Variants in ZPLD1 observed in about 807,000 individuals in gnomAD.
ZPLD1 encodes zona pellucida like domain containing 1.
ZPLD1 carries 34 observed loss-of-function variants against 47.2 expected under a neutral mutation model. That is an observed-to-expected ratio of 0.72 (90% CI 0.55 to 0.96). The LOEUF is 0.96. Ranked by LOEUF, ZPLD1 falls within the 40% of genes least tolerant of loss-of-function variation. ZPLD1 has a pLI of 0.00. For synonymous variants in ZPLD1, 176 were observed against 186.2 expected (o/e 0.95, Z 0.45); for missense variants, 512 against 505.8 (o/e 1.01, Z -0.12).
At chr3:102,424,235 AAT>A (rs1034902617) in intron 8 of ZPLD1, among the ~76,000 whole-genome samples, 1 of 152,116 alleles carries the variant, frequency 6.6e-6, no homozygotes, top group Non-Finnish European at 1.5e-5. Flanking sequence ...CAGTCTCTTG[AAT>A]ATACATATTT....
intron 8 of ZPLD1, among the ~76,000 whole-genome samples, chr3:102,429,858 C>G (rs1424650779): frequency 1.3e-5 from 2 of 152,180 alleles, no homozygotes; most frequent in Non-Finnish European, 2.9e-5. Flanking sequence ...ATCTCCACAT[C>G]TCAAGGCTGT....
upstream of ZPLD1, among the ~76,000 whole-genome samples, chr3:102,433,228 T>G (rs1707038276): frequency 6.6e-6 from 1 of 152,186 alleles, no homozygotes; most frequent in Admixed American, 6.5e-5. Context: ...AAATTTCCAT[T>G]TGATTTAGCA....
upstream of ZPLD1, among the ~76,000 whole-genome samples, chr3:102,433,294 G>C (rs9859640): frequency 0.49 from 74,691 of 152,066 alleles, 21,305 homozygotes; most frequent in African/African-American, 0.78. Flanking sequence ...GGTTGTTTCT[G>C]TAGTCATTGC....
intron 8 of ZPLD1, among the ~76,000 whole-genome samples, chr3:102,418,669 G>A (rs933755092): frequency 1.3e-5 from 2 of 151,948 alleles, no homozygotes; most frequent in East Asian, 3.9e-4. Context: ...AGCAAACAGT[G>A]TATATTTTAG....
intron 7 of ZPLD1, among the ~76,000 whole-genome samples, chr3:102,402,390 C>T (rs895172708): frequency 1.3e-5 from 2 of 151,934 alleles, no homozygotes; most frequent in Admixed American, 6.6e-5. Flanking sequence ...TTAATTGTAC[C>T]AAAGCTTGAA....
intron 7 of ZPLD1, among the ~76,000 whole-genome samples, chr3:102,416,738 A>G (rs1411347457): frequency 2.0e-5 from 3 of 151,958 alleles, no homozygotes; most frequent in Admixed American, 2.0e-4. Context: ...AATACAAGAC[A>G]GATTATATTA....
At chr3:102,456,085 TG>T in intron 4 of ZPLD1, 107 bp from the exon 5 acceptor site, 1 of 823,702 alleles carries the variant, frequency 1.2e-6, no homozygotes. Context: ...ATTTTATAGT[TG>T]AACTAGACTC....
At chr3:102,449,567 T>C (rs1201249808) in intron 3 of ZPLD1, among the ~76,000 whole-genome samples, 1 of 152,214 alleles carries the variant, frequency 6.6e-6, no homozygotes, top group Non-Finnish European at 1.5e-5. Context: ...CATCCCTTTG[T>C]CCAGCTTATC....
intron 7 of ZPLD1, among the ~76,000 whole-genome samples, chr3:102,413,894 A>G (rs1417518744): frequency 6.6e-6 from 1 of 151,862 alleles, no homozygotes; most frequent in African/African-American, 2.4e-5. Context: ...GATTTCAAAT[A>G]AAAACCTTGA....
chr3:102,478,787 A>G lies in ZPLD1; in HGVS notation c.*1169A>G, dbSNP rs1242555167. 1 of 152,196 alleles carries G rather than the reference A, an allele frequency of 6.6e-6. No individual in the cohort carries two copies. Among genetic ancestry groups the G allele is most frequent in the Non-Finnish European group, 1.5e-5 (1 of 68,034 alleles). The allele number at this position is 152,196 out of a possible 1,614,324, so 9.4% of individuals were successfully genotyped here. A position where few individuals can be genotyped will look rare whatever the true frequency, so the allele number is the denominator to read the frequency against. ...AGCCCATGTTCTTACAAAAAAAATC[A>G]ACATTCTCTTTGTTTAAGCTACCTA... On this transcript the variant is annotated 3_prime_UTR_variant, in exon 12 of 12. Coordinates refer to ENST00000466937, the MANE Select transcript of ZPLD1 (RefSeq NM_001329788.2).
chr3:102,399,070 A>G (rs2107290207), intron 7 of ZPLD1, among the ~76,000 whole-genome samples: 1 of 152,272 alleles, frequency 6.6e-6, no homozygotes, highest in East Asian at 1.9e-4. Context: ...TTTTATCTCC[A>G]GAATCTTTCC....
upstream of ZPLD1, chr3:102,435,000 T>C (rs1707064916): frequency 4.3e-6 from 5 of 1,173,922 alleles, no homozygotes; most frequent in African/African-American, 1.5e-5. Flanking sequence ...CAGGATGATA[T>C]GTTTTTGAGG....
At chr3:102,440,231 T>C (rs1429382811) in intron 3 of ZPLD1, among the ~76,000 whole-genome samples, 2 of 152,200 alleles carry the variant, frequency 1.3e-5, no homozygotes, top group African/African-American at 4.8e-5. Context: ...CATTTTGTTT[T>C]AGGAAGAGAC....
chr3:102,465,730 A>G (rs956509485), intron 8 of ZPLD1, among the ~76,000 whole-genome samples: 21 of 152,200 alleles, frequency 1.4e-4, no homozygotes, highest in Admixed American at 9.8e-4. Context: ...TGAAATGCAT[A>G]ACTAAAGAAA....
intron 8 of ZPLD1, among the ~76,000 whole-genome samples, chr3:102,468,483 T>C (rs989892327): frequency 2.6e-5 from 4 of 152,188 alleles, no homozygotes; most frequent in Non-Finnish European, 4.4e-5. Context: ...TAAATATTGA[T>C]ACGGAAAGAT....
intron 7 of ZPLD1, among the ~76,000 whole-genome samples, chr3:102,405,608 A>G (rs1225251456): frequency 6.6e-6 from 1 of 152,040 alleles, no homozygotes; most frequent in African/African-American, 2.4e-5. Flanking sequence ...GAGACCATCA[A>G]AGTGGTAACT....
chr3:102,455,643 T>C (rs932903729), intron 4 of ZPLD1, among the ~76,000 whole-genome samples: 3 of 152,170 alleles, frequency 2.0e-5, no homozygotes, highest in Non-Finnish European at 4.4e-5. Flanking sequence ...ACAAAGGGTG[T>C]TGATGATGGC....
At chr3:102,462,117 A>G (rs1707514943) in intron 6 of ZPLD1, among the ~76,000 whole-genome samples, 164 bp from the exon 7 acceptor site, 1 of 152,108 alleles carries the variant, frequency 6.6e-6, no homozygotes. Flanking sequence ...GCTTAATAAC[A>G]GTTCTGCCAA....
intron 7 of ZPLD1, among the ~76,000 whole-genome samples, chr3:102,404,987 A>G (rs537248562): frequency 1.3e-5 from 2 of 152,046 alleles, no homozygotes; most frequent in African/African-American, 2.4e-5. Flanking sequence ...TCCTTGAAAC[A>G]ACAACATATT....
Sources: gnomAD v4.1 joint callset for allele counts (sites outside exome capture counted in the v4.1 genomes callset) on GRCh38, gnomAD v4.1.1 for gene constraint, MANE v1.5 for transcripts, NCBI Gene and HGNC (gene_info 2026-07-23, HGNC 2026-07-21) for gene names.